RASGRF2: variants seen among roughly 807,000 people sequenced by gnomAD.
RASGRF2 encodes ras-specific guanine nucleotide-releasing factor 2.
RASGRF2 carries 76 observed loss-of-function variants against 151.0 expected under a neutral mutation model. The observed-to-expected ratio is 0.50, with a 90% confidence interval of 0.42 to 0.61. The LOEUF (loss-of-function observed/expected upper bound fraction) is 0.61, where lower values mean the gene tolerates loss of function less well. RASGRF2 is among the 20% of genes least tolerant of loss of function. RASGRF2 has a pLI of 0.00. For missense variants in RASGRF2, 1,148 were observed against 1,564.6 expected, an observed-to-expected ratio of 0.73 and a Z score of 4.49; for synonymous variants, 504 against 566.5, an observed-to-expected ratio of 0.89 and a Z score of 1.57.
At chr5:81,084,795 G>A (rs76732973) in intron 7 of RASGRF2, among the ~76,000 whole-genome samples, 141 of 152,300 alleles carry the variant, frequency 9.3e-4, no homozygotes, top group African/African-American at 3.1e-3. Context: ...GTACTTTCAA[G>A]TGCTGAGTGA....
intron 25 of RASGRF2, among the ~76,000 whole-genome samples, chr5:81,218,939 T>G (rs1755801749): frequency 6.6e-6 from 1 of 152,204 alleles, no homozygotes; most frequent in South Asian, 2.1e-4. Context: ...GTTAGGTATA[T>G]TCCTAAGTAT....
intron 19 of RASGRF2, among the ~76,000 whole-genome samples, chr5:81,201,665 G>A (rs1002743716): frequency 5.9e-5 from 9 of 152,186 alleles, no homozygotes; most frequent in African/African-American, 2.2e-4. Flanking sequence ...TGCAGTTGCT[G>A]TTATTTATGG....
At chr5:81,108,832 CTCTGTGTGTGTGTG>C (rs1338867132) in intron 12 of RASGRF2, among the ~76,000 whole-genome samples, 150 bp from the exon 13 acceptor site, 2 of 115,394 alleles carry the variant, frequency 1.7e-5, no homozygotes, top group Admixed American at 9.2e-5. Flanking sequence ...TATTTACCTA[CTCTGTGTGTGTGTG>C]TGTGTGTGTG....
Position 81,113,794 on chromosome 5 carries a change from G to T in RASGRF2, c.2344G>T (p.Gly782Cys). 1 of 1,614,084 alleles carries T rather than the reference G, an allele frequency of 6.2e-7. No individual in the cohort carries two copies. Among genetic ancestry groups the T allele is most frequent in the Non-Finnish European group, 8.5e-7 (1 of 1,180,014 alleles). The change falls in exon 15 of 27, where the codon GGT becomes TGT. Residue 782 changes from glycine to cysteine, a missense_variant. Transcript: ENST00000265080. ...CGCTGCGTCTCCACCACCACACACT[G>T]GTCAGATACCACTGGATCTCAGCAG... ...SPAASPPPHTGQIPLDLSRGL... is the reference protein window; with the variant it reads ...SPAASPPPHTCQIPLDLSRGL...
At chr5:81,167,759 G>A (rs1754546470) in intron 17 of RASGRF2, among the ~76,000 whole-genome samples, 1 of 152,132 alleles carries the variant, frequency 6.6e-6, no homozygotes, top group Non-Finnish European at 1.5e-5. Context: ...AAGATCAAAG[G>A]TGGGGAGTAG....
At chr5:81,157,816 G>A (rs1754296738) in intron 17 of RASGRF2, among the ~76,000 whole-genome samples, 1 of 152,102 alleles carries the variant, frequency 6.6e-6, no homozygotes, top group South Asian at 2.1e-4. Flanking sequence ...GAAGAACATG[G>A]GGAAAACCGC....
chr5:81,065,959 T>C (rs1053683755), intron 2 of RASGRF2, among the ~76,000 whole-genome samples: 4 of 152,204 alleles, frequency 2.6e-5, no homozygotes, highest in African/African-American at 9.7e-5. Context: ...GTGATGAGTC[T>C]GTGTGAAGTC....
At chr5:81,025,170 G>A (rs917364604) in intron 1 of RASGRF2, among the ~76,000 whole-genome samples, 1 of 152,224 alleles carries the variant, frequency 6.6e-6, no homozygotes, top group African/African-American at 2.4e-5. Flanking sequence ...TGCCCTGCAA[G>A]CTGCCCTTTT....
At chr5:81,070,869 C>T (rs1751753496) in intron 4 of RASGRF2, among the ~76,000 whole-genome samples, 1 of 152,046 alleles carries the variant, frequency 6.6e-6, no homozygotes, top group Admixed American at 6.6e-5. Context: ...GTGCGGCTTT[C>T]ATATTTTGGG....
intron 17 of RASGRF2, among the ~76,000 whole-genome samples, chr5:81,152,144 G>C (rs1409872091): frequency 2.6e-5 from 4 of 152,088 alleles, no homozygotes; most frequent in Non-Finnish European, 5.9e-5. Context: ...TGGGATTACA[G>C]GTGCGTGCCA....
intron 13 of RASGRF2, 95 bp from the exon 14 acceptor site, chr5:81,112,515 C>T: frequency 2.0e-6 from 3 of 1,520,154 alleles, no homozygotes; most frequent in Non-Finnish European, 2.7e-6. Context: ...GAGAAGCCCA[C>T]TCCTGAGTGT....
rs1415101184 is a variant in RASGRF2 at position 81,226,802 on chromosome 5, C to T, written c.*1032C>T. The T allele has an allele frequency of 6.6e-6, 1 of 152,148 alleles. No homozygotes were observed. Among genetic ancestry groups the T allele is most frequent in the Non-Finnish European group, 1.5e-5 (1 of 68,028 alleles). 9.4% of individuals were successfully genotyped at this position (152,148 alleles called of 1,614,324 possible). On this transcript the variant is annotated 3_prime_UTR_variant, in exon 27 of 27. Coordinates refer to ENST00000265080, the MANE Select transcript of RASGRF2 (RefSeq NM_006909.3). ...GTTTAGTGAAATTTTCTTTTCAAAA[C>T]CCACACTTCCATATGCTGTTCGTAG...
intron 2 of RASGRF2, among the ~76,000 whole-genome samples, chr5:81,055,579 C>G (rs186839359): frequency 1.6e-4 from 24 of 152,288 alleles, no homozygotes; most frequent in Middle Eastern, 6.8e-3. Flanking sequence ...GGATATTGGT[C>G]TAAAACCCTC....
At chr5:81,182,357 A>G (rs1475435640) in intron 18 of RASGRF2, among the ~76,000 whole-genome samples, 1 of 152,124 alleles carries the variant, frequency 6.6e-6, no homozygotes, top group African/African-American at 2.4e-5. Flanking sequence ...TCAGGGCTCT[A>G]TGGCTGGTTA....
chr5:81,057,211 G>T (rs1373741596), intron 2 of RASGRF2, among the ~76,000 whole-genome samples: 1 of 152,176 alleles, frequency 6.6e-6, no homozygotes, highest in African/African-American at 2.4e-5. Flanking sequence ...AGTTGATGCA[G>T]TTTCTTCCTA....
intron 1 of RASGRF2, among the ~76,000 whole-genome samples, chr5:81,029,922 G>A (rs1750177195): frequency 6.6e-6 from 1 of 152,108 alleles, no homozygotes; most frequent in Non-Finnish European, 1.5e-5. Flanking sequence ...TTAGATGAAT[G>A]GCTAACTAGA....
chr5:81,208,426 A>T lies in RASGRF2; in HGVS notation c.3144A>T (p.Gln1048His). The T allele has an allele frequency of 6.2e-7, 1 of 1,613,254 alleles. No individual in the cohort carries two copies. The highest frequency in any genetic ancestry group is 8.5e-7 in the Non-Finnish European group (1 of 1,179,440). ...ERTPYIMKTS[Q>H]HFNDMSNLVA... ...CTCCTTACATTATGAAAACCAGCCA[A>T]CACTTCAATGACGTGAGTAACCGTA... The change falls in exon 22 of 27, where the codon CAA becomes CAT. Residue 1048 changes from glutamine to histidine, a missense_variant. Around this residue, in one of 5 missense-constraint regions of RASGRF2, gnomAD observed 646 missense variants for 807.4 expected, o/e 0.80. Coordinates refer to ENST00000265080, the MANE Select transcript of RASGRF2 (RefSeq NM_006909.3).
rs1733534814 is a variant in RASGRF2, at chr5:81,136,183, A to G, written c.2686+9020A>G. Among the ~76,000 whole-genome samples, 3 of 152,210 alleles carry G rather than the reference A, an allele frequency of 2.0e-5. No individual in the cohort carries two copies. In the South Asian group the frequency reaches 6.2e-4, roughly 32 times the overall value. On this transcript the variant is annotated intron_variant, in intron 17 of 26. Coordinates refer to ENST00000265080, the MANE Select transcript of RASGRF2 (RefSeq NM_006909.3). Reference sequence around the variant, plus strand: ...AAAGTTATCTTTTAGATCATTTAAAAATAAGAAAAACAAAAGATTTTCCTT... The same window carrying G: ...AAAGTTATCTTTTAGATCATTTAAAGATAAGAAAAACAAAAGATTTTCCTT...
At chr5:80,983,372 G>A (rs1273504168) in intron 1 of RASGRF2, among the ~76,000 whole-genome samples, 1 of 152,202 alleles carries the variant, frequency 6.6e-6, no homozygotes, top group Admixed American at 6.5e-5. Context: ...GATGACTTGG[G>A]CTCTCTGCAT....
Sources: gnomAD v4.1 joint callset for allele counts (sites outside exome capture counted in the v4.1 genomes callset) on GRCh38, gnomAD v4.1.1 for gene constraint, gnomAD v4.1.1 regional missense constraint, MANE v1.5 for transcripts, NCBI Gene and HGNC (gene_info 2026-07-23, HGNC 2026-07-21) for gene names.